EYS: variants seen among roughly 807,000 people sequenced by gnomAD.
EYS encodes the protein EGF-like photoreceptor maintenance factor, also known as protein eyes shut homolog.
In EYS, 250 loss-of-function variants were observed where a neutral mutation model predicts 282.1. The ratio of observed to expected loss-of-function variants is 0.89; its 90% confidence interval spans 0.80 to 0.98. The LOEUF (loss-of-function observed/expected upper bound fraction) is 0.98, where lower values mean the gene tolerates loss of function less well. EYS is among the 50% of genes least tolerant of loss of function. The pLI is 0.00. For synonymous variants in EYS, 1,355 were observed against 1,282.9 expected, an observed-to-expected ratio of 1.06 and a Z score of -1.20; for missense variants, 4,016 against 3,709.0, an observed-to-expected ratio of 1.08 and a Z score of -2.15.
chr6:63,779,855 G>A (rs564247637), intron 39 of EYS, among the ~76,000 whole-genome samples: 143 of 151,484 alleles, frequency 9.4e-4, no homozygotes, highest in Middle Eastern at 3.4e-3. Flanking sequence ...CCATTAACTC[G>A]TCATTTACAT....
intron 35 of EYS, among the ~76,000 whole-genome samples, chr6:63,959,184 C>A (rs1412184477): frequency 1.3e-5 from 2 of 151,902 alleles, no homozygotes; most frequent in Non-Finnish European, 2.9e-5. Flanking sequence ...TAAAACAACC[C>A]CATCAAAAAG....
intron 26 of EYS, among the ~76,000 whole-genome samples, chr6:64,523,058 T>C (rs2150526784): frequency 6.6e-6 from 1 of 151,822 alleles, no homozygotes; most frequent in East Asian, 1.9e-4. Flanking sequence ...TGTTTTTTTT[T>C]TCCCCCTACA....
chr6:65,480,079 C>T (rs188760533), intron 5 of EYS, among the ~76,000 whole-genome samples: 5 of 151,888 alleles, frequency 3.3e-5, no homozygotes, highest in Admixed American at 1.3e-4. Flanking sequence ...GCAGGAGAAT[C>T]GCTTGAACCC....
chr6:65,517,649 CTT>C (rs1767192897), intron 2 of EYS, among the ~76,000 whole-genome samples: 2 of 151,874 alleles, frequency 1.3e-5, no homozygotes, highest in South Asian at 2.1e-4. Context: ...AGTAAAATAA[CTT>C]AAATAAAATT....
intron 29 of EYS, among the ~76,000 whole-genome samples, chr6:64,326,536 C>G (rs12173756): frequency 6.6e-6 from 1 of 152,176 alleles, no homozygotes; most frequent in Non-Finnish European, 1.5e-5. Flanking sequence ...AAATGTCTGG[C>G]TGAGCCAGTT....
At chr6:63,952,245 C>A (rs1765627286) in intron 35 of EYS, among the ~76,000 whole-genome samples, 1 of 152,218 alleles carries the variant, frequency 6.6e-6, no homozygotes, top group Admixed American at 6.5e-5. Flanking sequence ...TAAGCCATGT[C>A]CTATCTGTGT....
intron 41 of EYS, among the ~76,000 whole-genome samples, chr6:63,736,826 G>A (rs1308364696): frequency 8.0e-5 from 12 of 150,654 alleles, no homozygotes; most frequent in East Asian, 2.0e-4. Context: ...TGGATTCCTA[G>A]GTATTTTATT....
At chr6:64,956,138 C>A (rs1329556569) in intron 14 of EYS, among the ~76,000 whole-genome samples, 2 of 152,094 alleles carry the variant, frequency 1.3e-5, no homozygotes, top group East Asian at 3.8e-4. Flanking sequence ...ATAGCCAAAG[C>A]TATCCTAAGC....
intron 22 of EYS, chr6:64,733,376 C>T (rs1360449577): frequency 5.7e-6 from 1 of 175,048 alleles, no homozygotes; most frequent in Admixed American, 5.9e-5. Context: ...TACTCACATC[C>T]AGGAGCTTGG....
At chr6:63,991,709 C>T (rs1738684634) in intron 34 of EYS, among the ~76,000 whole-genome samples, 1 of 151,556 alleles carries the variant, frequency 6.6e-6, no homozygotes, top group South Asian at 2.1e-4. Context: ...TGAATGAAAA[C>T]TCCATAAATA....
intron 35 of EYS, among the ~76,000 whole-genome samples, chr6:63,932,168 C>CT (rs1764914700): frequency 6.6e-6 from 1 of 152,268 alleles, no homozygotes; most frequent in Non-Finnish European, 1.5e-5. Context: ...GGATTTCATT[C>CT]TTTTTTATGG....
At chr6:65,026,551 A>T (rs1395188330) in intron 13 of EYS, among the ~76,000 whole-genome samples, 6 of 152,184 alleles carry the variant, frequency 3.9e-5, no homozygotes, top group Non-Finnish European at 8.8e-5. Context: ...TTCCTGTGTC[A>T]GAAGGTGCAT....
At chr6:64,028,801 A>C (rs569142386) in intron 33 of EYS, among the ~76,000 whole-genome samples, 343 of 152,318 alleles carry the variant, frequency 2.3e-3, no homozygotes, top group African/African-American at 7.8e-3. Flanking sequence ...TCGTGCCAGC[A>C]GGCTACTCTA....
chr6:64,854,575 C>T lies in EYS; in HGVS notation c.2993-31753G>A, dbSNP rs1261909638. On this transcript the variant is annotated intron_variant, in intron 19 of 42. Coordinates refer to ENST00000503581, the MANE Select transcript of EYS (RefSeq NM_001142800.2). ...CATGGACACAGGAAGGGGAACATCA[C>T]ACACGGGGGCCTGTTGTGGGGTGGG... is the stretch of plus-strand genomic sequence containing the variant. Among the ~76,000 whole-genome samples the T allele has an allele frequency of 5.5e-5, 7 of 128,060 alleles. No individual in the cohort carries two copies. The Admixed American group carries it at 7.0e-4, about 13-fold the overall frequency. The allele number at this position is 128,060 out of a possible 152,430, so 84.0% of individuals were successfully genotyped here. A position where few individuals can be genotyped will look rare whatever the true frequency, so the allele number is the denominator to read the frequency against.
chr6:65,076,259 TA>T (rs1774048046), intron 12 of EYS, among the ~76,000 whole-genome samples: 1 of 151,998 alleles, frequency 6.6e-6, no homozygotes. Context: ...GACTTAAAAC[TA>T]GGAAAAAATA....
At chr6:65,454,504 T>C (rs941752228) in intron 5 of EYS, among the ~76,000 whole-genome samples, 2 of 152,038 alleles carry the variant, frequency 1.3e-5, no homozygotes, top group Non-Finnish European at 2.9e-5. Flanking sequence ...TGCATGTTAG[T>C]TTGATGTAAT....
At chr6:63,824,867 G>C (rs1771416626) in intron 36 of EYS, among the ~76,000 whole-genome samples, 1 of 152,214 alleles carries the variant, frequency 6.6e-6, no homozygotes, top group Non-Finnish European at 1.5e-5. Flanking sequence ...TTCTGTAGCT[G>C]AACTTTGTAA....
At chr6:65,276,939 T>C (rs1240404501) in intron 12 of EYS, among the ~76,000 whole-genome samples, 1 of 152,210 alleles carries the variant, frequency 6.6e-6, no homozygotes, top group Non-Finnish European at 1.5e-5. Context: ...TTCCTGGTCA[T>C]GTAACATAAG....
intron 36 of EYS, among the ~76,000 whole-genome samples, chr6:63,863,384 G>C (rs948037822): frequency 2.6e-5 from 4 of 152,090 alleles, no homozygotes; most frequent in African/African-American, 7.2e-5. Flanking sequence ...TTCCTAAAGA[G>C]AGACGCATGT....
Sources: gnomAD v4.1 joint callset for allele counts (sites outside exome capture counted in the v4.1 genomes callset) on GRCh38, gnomAD v4.1.1 for gene constraint, MANE v1.5 for transcripts, NCBI Gene and HGNC (gene_info 2026-07-23, HGNC 2026-07-21) for gene names.